GRIA4: variants seen among roughly 807,000 people sequenced by gnomAD.
GRIA4 encodes the protein glutamate receptor 4.
Under a neutral mutation model 104.0 loss-of-function variants are expected in GRIA4, and 34 were observed. The ratio of observed to expected loss-of-function variants is 0.33; its 90% confidence interval spans 0.25 to 0.44. The LOEUF is 0.44. GRIA4 is among the 20% of genes least tolerant of loss of function. The pLI, the probability that GRIA4 is intolerant of heterozygous loss-of-function variation, is 1.00. For synonymous variants in GRIA4, 386 were observed against 381.9 expected, an observed-to-expected ratio of 1.01 and a Z score of -0.13; for missense variants, 750 against 1,096.5, an observed-to-expected ratio of 0.68 and a Z score of 4.46.
intron 14 of GRIA4, among the ~76,000 whole-genome samples, chr11:105,943,509 TA>T (rs1262504172): frequency 6.6e-6 from 1 of 152,148 alleles, no homozygotes; most frequent in Non-Finnish European, 1.5e-5. Flanking sequence ...GGTGTTTCAA[TA>T]TGAAATACTT....
At chr11:105,661,756 A>C (rs1302986874) in intron 3 of GRIA4, among the ~76,000 whole-genome samples, 2 of 151,826 alleles carry the variant, frequency 1.3e-5, no homozygotes, top group African/African-American at 2.4e-5. Context: ...TGGACGATGG[A>C]ATATGAGGTT....
chr11:105,707,441 A>G (rs1396801507), intron 3 of GRIA4: 1 of 152,226 alleles, frequency 6.6e-6, no homozygotes, highest in Non-Finnish European at 1.5e-5. Context: ...ACCTGTACTG[A>G]AAGTTCATGG....
In GRIA4 at chr11:105,877,248, T is replaced by C. The variant is rs185709288; in HGVS notation, c.673-10271T>C. On this transcript the variant is annotated intron_variant, in intron 5 of 16. Coordinates refer to ENST00000282499, the MANE Select transcript of GRIA4 (RefSeq NM_000829.4). ...TTGAATATTGACCCCCACTCTCTTC[T>C]GGCTTGTAGGGTTTCTGCAGAGAAA... 3.7e-3 allele frequency among the ~76,000 whole-genome samples: 568 copies of C among 152,310 alleles called. 8 individuals are homozygous for C. Among genetic ancestry groups the C allele is most frequent in the African/African-American group, 0.012 (516 of 41,578 alleles).
chr11:105,845,674 G>A lies in GRIA4; in HGVS notation c.488-16350G>A, dbSNP rs1193578084. On this transcript the variant is annotated intron_variant, in intron 4 of 16. Coordinates refer to ENST00000282499, the MANE Select transcript of GRIA4 (RefSeq NM_000829.4). ...CGAGGCGGGTAGATCGCGAGGTCAG[G>A]AGATAGAGACCATCCTGGCTAATAC... 5.9e-5 allele frequency among the ~76,000 whole-genome samples: 9 copies of A among 152,092 alleles called. No homozygotes were observed. The East Asian group carries it at 1.7e-3, about 29-fold the overall frequency.
chr11:105,708,810 A>C (rs1335669982), intron 3 of GRIA4, among the ~76,000 whole-genome samples: 1 of 151,970 alleles, frequency 6.6e-6, no homozygotes, highest in Non-Finnish European at 1.5e-5. Context: ...TTGAAATAAG[A>C]ATGAGTTCAT....
chr11:105,782,852 T>C (rs548527046), intron 4 of GRIA4, among the ~76,000 whole-genome samples: 1 of 152,172 alleles, frequency 6.6e-6, no homozygotes, highest in Non-Finnish European at 1.5e-5. Flanking sequence ...CTGGCTCAGG[T>C]TTGAGGTCTC....
intron 9 of GRIA4, 84 bp from the exon 10 acceptor site, chr11:105,910,351 C>A: frequency 1.5e-6 from 1 of 666,308 alleles, no homozygotes; most frequent in South Asian, 1.8e-5. Context: ...TGTTTGCTTA[C>A]CTATTCATAC....
intron 3 of GRIA4, among the ~76,000 whole-genome samples, chr11:105,696,065 T>C (rs1311431161): frequency 6.6e-6 from 1 of 152,198 alleles, no homozygotes; most frequent in African/African-American, 2.4e-5. Context: ...GGCATCAACC[T>C]CTCTTTTATG....
Position 105,924,704 on chromosome 11 carries a change from C to T in GRIA4, c.1782C>T (p.Gly594=), listed in dbSNP as rs372250259. The T allele has an allele frequency of 5.6e-6, 9 of 1,611,552 alleles. No individual in the cohort carries two copies. The highest frequency in any genetic ancestry group is 4.0e-5 in the African/African-American group (3 of 74,818). The part of the protein sequence containing the change: ...GPSDQPPNEF[G]IFNSLWFSLG... ...GCGACCAGCCTCCCAATGAGTTTGG[C>T]ATCTTTAACAGCCTCTGGTTTTCCC... Residue 594 remains glycine, a synonymous_variant, in exon 12 of 17, where the codon GGC becomes GGT. Coordinates refer to ENST00000282499, the MANE Select transcript of GRIA4 (RefSeq NM_000829.4).
chr11:105,964,759 T>C (rs951777353), intron 14 of GRIA4, among the ~76,000 whole-genome samples: 3 of 152,000 alleles, frequency 2.0e-5, no homozygotes, highest in African/African-American at 7.2e-5. Flanking sequence ...AAACCAAATG[T>C]ATGGGAGGCA....
At chr11:105,755,488 G>C (rs1940251171) in intron 4 of GRIA4, among the ~76,000 whole-genome samples, 1 of 151,974 alleles carries the variant, frequency 6.6e-6, no homozygotes, top group Non-Finnish European at 1.5e-5. Context: ...TTCCTTCTTA[G>C]GAACCTAGAG....
chr11:105,634,503 A>G (rs1180335094), intron 3 of GRIA4, among the ~76,000 whole-genome samples: 8 of 67,832 alleles, frequency 1.2e-4, no homozygotes, highest in African/African-American at 3.4e-4. Context: ...GAAAGAAAGA[A>G]AGAAAGAAAG....
At chr11:105,810,196 T>C (rs1002886096) in intron 4 of GRIA4, among the ~76,000 whole-genome samples, 4 of 152,182 alleles carry the variant, frequency 2.6e-5, no homozygotes, top group African/African-American at 7.2e-5. Context: ...TTGTCTCCTT[T>C]GAACCCAAAC....
chr11:105,856,860 T>C (rs948364003), intron 4 of GRIA4, among the ~76,000 whole-genome samples: 1 of 152,198 alleles, frequency 6.6e-6, no homozygotes, highest in Non-Finnish European at 1.5e-5. Flanking sequence ...ACAATGATTA[T>C]TATCAATCCA....
At chr11:105,737,315 A>G (rs1939014956) in intron 3 of GRIA4, among the ~76,000 whole-genome samples, 1 of 152,160 alleles carries the variant, frequency 6.6e-6, no homozygotes, top group Non-Finnish European at 1.5e-5. Context: ...ATGTCTTTTT[A>G]CTAACATTTG....
At chr11:105,786,445 G>T (rs1352513937) in intron 4 of GRIA4, among the ~76,000 whole-genome samples, 1 of 152,076 alleles carries the variant, frequency 6.6e-6, no homozygotes, top group African/African-American at 2.4e-5. Context: ...ATTTCTCCTT[G>T]TGTGAGTTCT....
chr11:105,762,319 C>T (rs967323371), intron 4 of GRIA4, among the ~76,000 whole-genome samples: 1 of 152,166 alleles, frequency 6.6e-6, no homozygotes, highest in Non-Finnish European at 1.5e-5. Context: ...CCACCACACC[C>T]GGCCTGAGAA....
intron 3 of GRIA4, among the ~76,000 whole-genome samples, chr11:105,628,743 A>G (rs1259166472): frequency 6.6e-6 from 1 of 152,172 alleles, no homozygotes; most frequent in Admixed American, 6.6e-5. Flanking sequence ...TTTATTCTTT[A>G]TTTCACAAAA....
chr11:105,610,782 C>A (rs1479206430), intron 1 of GRIA4, 126 bp from the exon 2 acceptor site: 4 of 507,418 alleles, frequency 7.9e-6, no homozygotes, highest in African/African-American at 7.7e-5. Context: ...AAAAATCTGG[C>A]GGCTCGCGAT....
Sources: allele counts gnomAD v4.1 joint callset (sites outside exome capture counted in the v4.1 genomes callset), GRCh38; gene constraint gnomAD v4.1.1; transcripts MANE v1.5; gene names NCBI Gene and HGNC (gene_info 2026-07-23, HGNC 2026-07-21).